Variants in CHSY3 observed in about 807,000 individuals in gnomAD.
CHSY3 encodes the protein N-acetylgalactosaminyl-proteoglycan 3-beta-glucuronosyltransferase 3.
A neutral mutation model predicts 67.2 loss-of-function variants in CHSY3; 35 were observed. That is an observed-to-expected ratio of 0.52 (90% CI 0.40 to 0.69). The LOEUF (loss-of-function observed/expected upper bound fraction) is 0.69. CHSY3 is among the 30% of genes least tolerant of loss of function. The pLI is 0.00. For missense variants in CHSY3, 1,069 were observed against 1,138.5 expected, an observed-to-expected ratio of 0.94 and a Z score of 0.88; for synonymous variants, 474 against 434.7, an observed-to-expected ratio of 1.09 and a Z score of -1.12.
rs149889563 is a variant in CHSY3, at chr5:129,954,689, G to T, written c.1086+46329G>T. ...GTGGTTTCTGGTTCTCCTTGAAGAG[G>T]TCCTTCACATTCCTTGTAAGTTGTA... On this transcript the variant is annotated intron_variant, in intron 2 of 2. Transcript: ENST00000305031. Among the ~76,000 whole-genome samples, 659 of 152,066 alleles carry T rather than the reference G, an allele frequency of 4.3e-3. 4 individuals carry two copies. Among genetic ancestry groups the T allele is most frequent in the African/African-American group, 0.015 (625 of 41,528 alleles).
intron 2 of CHSY3, among the ~76,000 whole-genome samples, chr5:130,179,797 GA>G (rs951240531): frequency 6.6e-5 from 10 of 151,122 alleles, no homozygotes; most frequent in Non-Finnish European, 1.3e-4. Context: ...ACTCATCTCT[GA>G]AAAAAATTAC....
At chr5:129,912,779 T>C (rs544114902) in intron 2 of CHSY3, among the ~76,000 whole-genome samples, 62 of 152,238 alleles carry the variant, frequency 4.1e-4, no homozygotes, top group African/African-American at 1.4e-3. Context: ...TGGTTGAGGG[T>C]GAGCCTTATA....
chr5:129,973,432 G>A (rs748502929), intron 2 of CHSY3, among the ~76,000 whole-genome samples: 3 of 151,986 alleles, frequency 2.0e-5, no homozygotes, highest in Non-Finnish European at 4.4e-5. Context: ...GCTATTTTAT[G>A]CATATGAAGT....
chr5:130,049,853 G>A (rs1443377764), intron 2 of CHSY3, among the ~76,000 whole-genome samples: 1 of 150,586 alleles, frequency 6.6e-6, no homozygotes, highest in African/African-American at 2.4e-5. Flanking sequence ...AGGCTCTTCT[G>A]CTTCATAAAG....
chr5:129,992,296 C>T (rs1390758243), intron 2 of CHSY3, among the ~76,000 whole-genome samples: 1 of 152,104 alleles, frequency 6.6e-6, no homozygotes, highest in East Asian at 1.9e-4. Flanking sequence ...TTTGGCATTC[C>T]AACTAAATGA....
At chr5:129,942,526 A>T (rs1033857090) in intron 2 of CHSY3, among the ~76,000 whole-genome samples, 2 of 152,196 alleles carry the variant, frequency 1.3e-5, no homozygotes, top group Non-Finnish European at 2.9e-5. Flanking sequence ...CAGATTAGCT[A>T]GAATGAAAGA....
At chr5:130,111,236 C>A (rs1391069590) in intron 2 of CHSY3, among the ~76,000 whole-genome samples, 1 of 152,010 alleles carries the variant, frequency 6.6e-6, no homozygotes, top group African/African-American at 2.4e-5. Flanking sequence ...AACATTAAAT[C>A]CTCACATGCC....
chr5:130,140,644 C>G (rs913733728), intron 2 of CHSY3: 10 of 379,960 alleles, frequency 2.6e-5, no homozygotes, highest in Non-Finnish European at 9.4e-6. Flanking sequence ...ATGTGTCAAC[C>G]CTCATTGTTT....
At chr5:129,945,118 A>G (rs1211851135) in intron 2 of CHSY3, among the ~76,000 whole-genome samples, 1 of 152,230 alleles carries the variant, frequency 6.6e-6, no homozygotes, top group Non-Finnish European at 1.5e-5. Flanking sequence ...TTTGTGCTTT[A>G]GTAAAAACAG....
chr5:130,130,217 T>G (rs1189188387), intron 2 of CHSY3, among the ~76,000 whole-genome samples: 1 of 152,156 alleles, frequency 6.6e-6, no homozygotes, highest in Non-Finnish European at 1.5e-5. Context: ...TCTCTTTCTC[T>G]CTCTCCTATT....
At chr5:129,936,347 A>C (rs554599639) in intron 2 of CHSY3, among the ~76,000 whole-genome samples, 1 of 152,152 alleles carries the variant, frequency 6.6e-6, no homozygotes, top group African/African-American at 2.4e-5. Flanking sequence ...TGCAATTCAC[A>C]GAATCCTCAC....
At chr5:130,178,983 A>G (rs1026569332) in intron 2 of CHSY3, among the ~76,000 whole-genome samples, 5 of 152,104 alleles carry the variant, frequency 3.3e-5, no homozygotes, top group Admixed American at 6.6e-5. Flanking sequence ...GTTTTCTACA[A>G]TTTGCTAGAT....
intron 2 of CHSY3, among the ~76,000 whole-genome samples, chr5:130,006,651 C>T (rs1763886015): frequency 6.6e-6 from 1 of 152,038 alleles, no homozygotes; most frequent in East Asian, 1.9e-4. Context: ...TGGTTACCCT[C>T]AACAATATTT....
At chr5:130,006,627 C>A (rs1296830487) in intron 2 of CHSY3, among the ~76,000 whole-genome samples, 1 of 152,134 alleles carries the variant, frequency 6.6e-6, no homozygotes, top group Non-Finnish European at 1.5e-5. Flanking sequence ...ATAGGAATAA[C>A]ACATCAGCAA....
At chr5:130,164,424 C>T (rs1769663305) in intron 2 of CHSY3, among the ~76,000 whole-genome samples, 1 of 152,070 alleles carries the variant, frequency 6.6e-6, no homozygotes, top group Admixed American at 6.6e-5. Context: ...AACAGTTGTA[C>T]AAGGTAGAGA....
At chr5:130,022,119 A>G (rs1173981029) in intron 2 of CHSY3, among the ~76,000 whole-genome samples, 2 of 152,042 alleles carry the variant, frequency 1.3e-5, no homozygotes, top group Non-Finnish European at 2.9e-5. Context: ...GAATTCGACA[A>G]TTTGATTTAC....
intron 2 of CHSY3, among the ~76,000 whole-genome samples, chr5:130,082,665 G>T (rs1316724812): frequency 6.6e-6 from 1 of 151,882 alleles, no homozygotes; most frequent in Non-Finnish European, 1.5e-5. Context: ...TATTCCCAAA[G>T]GTTATGTATG....
chr5:130,107,953 T>C (rs1767464134), intron 2 of CHSY3, among the ~76,000 whole-genome samples: 1 of 151,756 alleles, frequency 6.6e-6, no homozygotes, highest in Non-Finnish European at 1.5e-5. Context: ...GCTGATAGAA[T>C]CCTTCAGTAT....
At chr5:130,033,303 G>T (rs1476323052) in intron 2 of CHSY3, among the ~76,000 whole-genome samples, 1 of 151,912 alleles carries the variant, frequency 6.6e-6, no homozygotes, top group East Asian at 1.9e-4. Flanking sequence ...TTCAACCCCG[G>T]CATATATACA....
Sources: gnomAD v4.1 joint callset for allele counts (sites outside exome capture counted in the v4.1 genomes callset) on GRCh38, gnomAD v4.1.1 for gene constraint, MANE v1.5 for transcripts, NCBI Gene and HGNC (gene_info 2026-07-23, HGNC 2026-07-21) for gene names.